The following DEK variants were observed in gnomAD, a reference collection of about 807,000 sequenced individuals.
The protein encoded by DEK is protein DEK.
Under a neutral mutation model 46.8 loss-of-function variants are expected in DEK, and 28 were observed. The observed-to-expected ratio is 0.60, with a 90% CI of 0.44 to 0.82. The LOEUF (loss-of-function observed/expected upper bound fraction) is 0.82, where lower values mean the gene tolerates loss of function less well. DEK is among the 40% of genes least tolerant of loss of function. The pLI, the probability that DEK is intolerant of heterozygous loss-of-function variation, is 0.00. For missense variants in DEK, 416 were observed against 430.6 expected (o/e 0.97, Z 0.30); for synonymous variants, 160 against 144.5 (o/e 1.11, Z -0.77).
chr6:18,224,146 A>G lies in DEK; in HGVS notation c.*1573T>C, dbSNP rs1020005711. On this transcript the variant is annotated 3_prime_UTR_variant, in exon 11 of 11. Transcript: ENST00000652689. The stretch of plus-strand genomic sequence containing the variant: ...CCATAAGGAAATGCTATATACACCT[A>G]TAAGATATCAAATGCAAGTGACTTA... 6 of 170,600 alleles carry G rather than the reference A, an allele frequency of 3.5e-5. No individual in the cohort carries two copies. Among genetic ancestry groups the G allele is most frequent in the South Asian group, 2.0e-4 (1 of 4,978 alleles). The allele number at this position is 170,600 out of a possible 1,614,324, so 10.6% of individuals were successfully genotyped here.
At chr6:18,235,830 G>C (rs900632639) in intron 9 of DEK, among the ~76,000 whole-genome samples, 1 of 152,164 alleles carries the variant, frequency 6.6e-6, no homozygotes, top group Non-Finnish European at 1.5e-5. Flanking sequence ...ATGTAGTAGA[G>C]AATCAATGAA....
chr6:18,255,866 G>A lies in DEK; in HGVS notation c.453-15C>T, dbSNP rs939621989. ...CATTTCTAAATCTGAAACAGAAAAT[G>A]GAAGAAACCAAGGTGTTAATATAGG... On this transcript the variant is annotated splice_polypyrimidine_tract_variant and intron_variant, in intron 5 of 10. Coordinates refer to ENST00000652689, the MANE Select transcript of DEK (RefSeq NM_003472.4). The A allele has an allele frequency of 6.3e-7, 1 of 1,592,546 alleles. No homozygotes were observed. The highest frequency in any genetic ancestry group is 1.7e-4 in the Middle Eastern group (1 of 5,950).
intron 7 of DEK, among the ~76,000 whole-genome samples, chr6:18,243,305 A>G (rs1182090074): frequency 6.7e-6 from 1 of 149,374 alleles, no homozygotes; most frequent in East Asian, 1.9e-4. Flanking sequence ...ACTTCCTGGA[A>G]GACCAGAGGA....
At chr6:18,256,895 T>C (rs1791619173) in intron 4 of DEK, among the ~76,000 whole-genome samples, 1 of 152,244 alleles carries the variant, frequency 6.6e-6, no homozygotes, top group South Asian at 2.1e-4. Flanking sequence ...CACAAAAAGC[T>C]AATACCGTTC....
intron 7 of DEK, among the ~76,000 whole-genome samples, chr6:18,241,839 T>C (rs1014785422): frequency 1.3e-5 from 2 of 152,212 alleles, no homozygotes; most frequent in Non-Finnish European, 2.9e-5. Context: ...GGACTTGGCA[T>C]ACAGGCTACA....
intron 2 of DEK, among the ~76,000 whole-genome samples, chr6:18,260,089 G>A (rs115015419): frequency 0.016 from 2,403 of 152,116 alleles, 65 homozygotes; most frequent in African/African-American, 0.055. Context: ...GTTCCAGGAC[G>A]CCCCTCAGAT....
rs756490624 is a variant in DEK, at chr6:18,263,953, C to T, written c.35G>A (p.Gly12Glu). 1 of 1,612,766 alleles carries T rather than the reference C, an allele frequency of 6.2e-7. No individual in the cohort carries two copies. The highest frequency in any genetic ancestry group is 1.7e-5 in the Admixed American group (1 of 59,686). Reference protein sequence around the residue: ...SASAPAAEGEGTPTQPASEKE... With the variant: ...SASAPAAEGEETPTQPASEKE... ...CTCGGACGCGGGCTGGGTGGGGGTTCCCTCCCCCTCCGCAGCAGGGGCCGA... is the reference window on the plus strand; with the variant it reads ...CTCGGACGCGGGCTGGGTGGGGGTTTCCTCCCCCTCCGCAGCAGGGGCCGA... The change falls in exon 2 of 11, where the codon GGA becomes GAA. Residue 12 changes from glycine (G) to glutamate (E), a missense_variant. By Grantham distance (98) the Gly-to-Glu change is moderately conservative. Transcript: ENST00000652689.
intron 10 of DEK, 121 bp from the exon 11 acceptor site, chr6:18,225,851 A>G (rs1280582558): frequency 5.0e-6 from 6 of 1,192,954 alleles, no homozygotes; most frequent in Non-Finnish European, 7.3e-6. Flanking sequence ...AATTACAGCT[A>G]CCTGCTGATC....
chr6:18,250,503 C>T (rs994386605), intron 6 of DEK, among the ~76,000 whole-genome samples: 4 of 150,980 alleles, frequency 2.6e-5, no homozygotes, highest in Non-Finnish European at 5.9e-5. Flanking sequence ...AAAAAACTGT[C>T]ACTGCCAAAG....
Position 18,249,762 on chromosome 6 carries a change from A to G in DEK, c.651T>C (p.Ala217=). Residue 217 remains alanine (A), a synonymous_variant, in exon 7 of 11, where the codon GCT becomes GCC. Transcript: ENST00000652689. ...GAATTTCAGGACATTTGGTTCGCTTAGCCTTCCTTGCCATTCCAGAACTGT... is the reference window on the plus strand; with the variant it reads ...GAATTTCAGGACATTTGGTTCGCTTGGCCTTCCTTGCCATTCCAGAACTGT... ...ERNSSGMARK[A]KRTKCPEILS... 5 of 1,613,988 alleles carry G rather than the reference A, an allele frequency of 3.1e-6. No homozygotes were observed. The highest frequency in any genetic ancestry group is 4.2e-6 in the Non-Finnish European group (5 of 1,179,992).
At position 18,252,509 on chromosome 6, in the gene DEK, CAAAAAAA is replaced by C. The variant is rs61626818; in HGVS notation, c.574-2677_574-2671del. On this transcript the variant is annotated intron_variant, in intron 6 of 10. Coordinates refer to ENST00000652689, the MANE Select transcript of DEK (RefSeq NM_003472.4). ...AGGCAACAGAGTAAAACGCTGTCTC[CAAAAAAA>C]AAAAAAAAAAAAAAAAAAAGAAAAT... is the stretch of plus-strand genomic sequence containing the variant. 8.6e-4 allele frequency among the ~76,000 whole-genome samples: 25 copies of C among 29,136 alleles called. No individual in the cohort carries two copies. In the East Asian group the frequency reaches 0.018, roughly 21 times the overall value. 19.1% of individuals were successfully genotyped at this position (29,136 alleles called of 152,430 possible). A position where few individuals can be genotyped will look rare whatever the true frequency, so the allele number is the denominator to read the frequency against.
chr6:18,232,413 G>A (rs961306829), intron 9 of DEK, among the ~76,000 whole-genome samples: 2 of 152,110 alleles, frequency 1.3e-5, no homozygotes, highest in African/African-American at 4.8e-5. Flanking sequence ...AGGAAAAGAG[G>A]AACTCAAATT....
At chr6:18,264,118 A>G (rs1792001662) in intron 1 of DEK, 122 bp from the exon 2 acceptor site, 1 of 881,722 alleles carries the variant, frequency 1.1e-6, no homozygotes, top group Non-Finnish European at 1.6e-6. Flanking sequence ...GCCTCCTCCC[A>G]TAGCCGGGAC....
chr6:18,225,640 T>TA lies in DEK; in HGVS notation c.*78dup. 1.3e-6 allele frequency: 2 copies of TA among 1,500,310 alleles called. No homozygotes were observed. Among genetic ancestry groups the TA allele is most frequent in the Non-Finnish European group, 1.8e-6 (2 of 1,100,034 alleles). 92.9% of individuals were successfully genotyped at this position (1,500,310 alleles called of 1,614,324 possible). A position where few individuals can be genotyped will look rare whatever the true frequency, so the allele number is the denominator to read the frequency against. On this transcript the variant is annotated 3_prime_UTR_variant, in exon 11 of 11. Transcript: ENST00000652689. Reference sequence around the variant, plus strand: ...CTTAACAAGGATTTAGAAAAGGAAATACATTCTCTTTGCTGGTATAATGGT... The same window carrying TA: ...CTTAACAAGGATTTAGAAAAGGAAATAACATTCTCTTTGCTGGTATAATGGT...
intron 9 of DEK, among the ~76,000 whole-genome samples, chr6:18,227,150 G>C (rs575570624): frequency 1.3e-5 from 2 of 152,026 alleles, no homozygotes; most frequent in African/African-American, 4.8e-5. Flanking sequence ...CCCCCAGCCC[G>C]ACACCCTTAA....
At chr6:18,251,288 G>C (rs1297674518) in intron 6 of DEK, among the ~76,000 whole-genome samples, 1 of 152,122 alleles carries the variant, frequency 6.6e-6, no homozygotes, top group African/African-American at 2.4e-5. Context: ...GTATCCAATT[G>C]TGTAAATGTT....
At chr6:18,249,627 T>C (rs575836736) in intron 7 of DEK, 24 bp downstream of exon 7, 3 of 1,522,036 alleles carry the variant, frequency 2.0e-6, no homozygotes, top group South Asian at 2.7e-5. Flanking sequence ...AGAAATGATT[T>C]AAAAATATAG....
chr6:18,263,975 C>T lies in DEK; in HGVS notation c.13G>A (p.Ala5Thr), dbSNP rs1303112661. The T allele has an allele frequency of 6.2e-7, 1 of 1,610,572 alleles. No individual in the cohort carries two copies. The highest frequency in any genetic ancestry group is 1.3e-5 in the African/African-American group (1 of 74,722). The change falls in exon 2 of 11, where the codon GCC becomes ACC. Residue 5 changes from alanine (A) to threonine (T), a missense_variant. Physicochemically the swap from Ala to Thr is moderately conservative, Grantham distance 58. Transcript: ENST00000652689. ...GTTCCCTCCCCCTCCGCAGCAGGGG[C>T]CGAGGCGGACATGCTGTGAACCTGC... MSAS[A>T]PAAEGEGTPT...
chr6:18,247,555 A>T (rs1342051881), intron 7 of DEK, among the ~76,000 whole-genome samples: 3 of 152,230 alleles, frequency 2.0e-5, no homozygotes, highest in Admixed American at 6.5e-5. Flanking sequence ...TGTGATTATT[A>T]TCCTGGAACC....
Sources: allele counts gnomAD v4.1 joint callset (sites outside exome capture counted in the v4.1 genomes callset), GRCh38; gene constraint gnomAD v4.1.1; transcripts MANE v1.5; gene names NCBI Gene and HGNC (gene_info 2026-07-23, HGNC 2026-07-21).